The following RASSF5 variants were observed in gnomAD, a reference collection of about 807,000 sequenced individuals.
The protein encoded by RASSF5 is ras association domain-containing protein 5.
A neutral mutation model predicts 40.5 loss-of-function variants in RASSF5; 25 were observed. That is an observed-to-expected ratio of 0.62 (90% CI 0.45 to 0.86). The LOEUF is 0.86. Among genes scored for constraint, RASSF5 ranks in the 40% least tolerant of loss-of-function variants. The pLI, the probability that RASSF5 is intolerant of heterozygous loss-of-function variation, is 0.00. For synonymous variants in RASSF5, 246 were observed against 252.4 expected, an observed-to-expected ratio of 0.97 and a Z score of 0.24; for missense variants, 521 against 572.8, an observed-to-expected ratio of 0.91 and a Z score of 0.92.
chr1:206,558,590 A>G (rs1333820659), intron 2 of RASSF5, among the ~76,000 whole-genome samples: 11 of 151,860 alleles, frequency 7.2e-5, no homozygotes, highest in African/African-American at 2.4e-4. Context: ...CACCAATTCA[A>G]ATTAACCAAA....
chr1:206,563,914 C>A (rs59195419), intron 2 of RASSF5, among the ~76,000 whole-genome samples: 11,566 of 152,248 alleles, frequency 0.076, 624 homozygotes, highest in African/African-American at 0.16. Flanking sequence ...GTCTCATCAC[C>A]ACAAGCTGAA....
chr1:206,520,467 C>T (rs1257989704), intron 1 of RASSF5, among the ~76,000 whole-genome samples: 1 of 152,010 alleles, frequency 6.6e-6, no homozygotes, highest in Non-Finnish European at 1.5e-5. Context: ...ATTAGCTGGG[C>T]AAGGAGATGG....
chr1:206,526,269 A>T (rs902907744), intron 1 of RASSF5, among the ~76,000 whole-genome samples: 14 of 143,034 alleles, frequency 9.8e-5, no homozygotes, highest in Non-Finnish European at 1.8e-4. Flanking sequence ...GCTTTCTGGC[A>T]GTGTGTGTGT....
At position 206,582,870 on chromosome 1, in the gene RASSF5, G is replaced by A. The variant is rs78509862; in HGVS notation, c.580-399G>A. Among the ~76,000 whole-genome samples the A allele has an allele frequency of 3.9e-3, 592 of 152,260 alleles. 41 individuals carry two copies. In the East Asian group the frequency reaches 0.11, roughly 27 times the overall value. On this transcript the variant is annotated intron_variant, in intron 2 of 5. Coordinates refer to ENST00000579436, the MANE Select transcript of RASSF5 (RefSeq NM_182663.4). The stretch of plus-strand genomic sequence containing the variant: ...GACAGACCATGGCTTGTATTTCTTT[G>A]CATCTCCCATAGCATCAAAGAAGCA...
chr1:206,580,404 C>T (rs1451221106), intron 2 of RASSF5, among the ~76,000 whole-genome samples: 1 of 152,210 alleles, frequency 6.6e-6, no homozygotes, highest in Non-Finnish European at 1.5e-5. Context: ...TCCTGAGGAG[C>T]AATAGCCTAC....
At chr1:206,530,287 T>C (rs1667203592) in intron 1 of RASSF5, among the ~76,000 whole-genome samples, 1 of 152,202 alleles carries the variant, frequency 6.6e-6, no homozygotes, top group African/African-American at 2.4e-5. Context: ...ACACAATCTT[T>C]TTCCTTTTTT....
chr1:206,575,458 G>A (rs1553405025), intron 2 of RASSF5, among the ~76,000 whole-genome samples: 2 of 152,184 alleles, frequency 1.3e-5, no homozygotes, highest in African/African-American at 4.8e-5. Flanking sequence ...AGACCGGCTT[G>A]GGCTTGGCTA....
Position 206,552,761 on chromosome 1 carries a change from G to A in RASSF5, c.579+14468G>A, listed in dbSNP as rs979803442. Among the ~76,000 whole-genome samples the A allele has an allele frequency of 5.3e-5, 8 of 152,130 alleles. No homozygotes were observed. The highest frequency in any genetic ancestry group is 3.9e-4 in the Admixed American group (6 of 15,276). On this transcript the variant is annotated intron_variant, in intron 2 of 5. Coordinates refer to ENST00000579436, the MANE Select transcript of RASSF5 (RefSeq NM_182663.4). The surrounding 1 kb of genome is among the most constrained non-coding windows in gnomAD (Gnocchi z 4.1). ...TTGCAGGGTTCTGAGGATTAAGTGA[G>A]ATAATGAAATGTGTAACTTTCATTC...
intron 1 of RASSF5, among the ~76,000 whole-genome samples, chr1:206,515,153 T>G (rs1248873334): frequency 6.6e-6 from 1 of 152,182 alleles, no homozygotes; most frequent in African/African-American, 2.4e-5. Context: ...CTGCTGCCCT[T>G]CTGCTGGTGA....
chr1:206,547,308 G>A (rs950653675), intron 2 of RASSF5, among the ~76,000 whole-genome samples: 9 of 152,018 alleles, frequency 5.9e-5, no homozygotes, highest in Non-Finnish European at 8.8e-5. Context: ...AGCAGTTGGA[G>A]AGCAAGCCAC....
In RASSF5 at chr1:206,548,922, A is replaced by G. The variant is rs952328554; in HGVS notation, c.579+10629A>G. Among the ~76,000 whole-genome samples, 4 of 152,082 alleles carry G rather than the reference A, an allele frequency of 2.6e-5. No individual in the cohort carries two copies. The South Asian group carries it at 8.3e-4, about 32-fold the overall frequency. ...GCTCTGTTGCCCGGGCTGGAGTGCAATGGCGCGTTCTCGGCTCACTGCAAC... is the reference window on the plus strand; with the variant it reads ...GCTCTGTTGCCCGGGCTGGAGTGCAGTGGCGCGTTCTCGGCTCACTGCAAC... On this transcript the variant is annotated intron_variant, in intron 2 of 5. Coordinates refer to ENST00000579436, the MANE Select transcript of RASSF5 (RefSeq NM_182663.4).
chr1:206,544,940 C>T (rs1667641295), intron 2 of RASSF5: 1 of 151,916 alleles, frequency 6.6e-6, no homozygotes, highest in Non-Finnish European at 1.5e-5. Flanking sequence ...GTCCCTCAGC[C>T]CAACAGCCAC....
rs1468989472 is a variant in RASSF5, at chr1:206,552,226, C to T, written c.579+13933C>T. Among the ~76,000 whole-genome samples the T allele has an allele frequency of 1.3e-5, 2 of 152,186 alleles. No individual in the cohort carries two copies. Among genetic ancestry groups the T allele is most frequent in the Non-Finnish European group, 2.9e-5 (2 of 68,024 alleles). ...AACAGGAAGTCATCTGGGGAGACAC[C>T]GAGCTCTCTGCTGTACACAGCCATT... On this transcript the variant is annotated intron_variant, in intron 2 of 5. Transcript: ENST00000579436. The surrounding 1 kb of genome is among the most constrained non-coding windows in gnomAD (Gnocchi z 4.1).
Position 206,535,470 on chromosome 1 carries a change from C to T in RASSF5, c.458-2702C>T, listed in dbSNP as rs1553398496. 6.6e-6 allele frequency among the ~76,000 whole-genome samples: 1 copy of T among 152,160 alleles called. No individual in the cohort carries two copies. The highest frequency in any genetic ancestry group is 1.5e-5 in the Non-Finnish European group (1 of 68,024). On this transcript the variant is annotated intron_variant, in intron 1 of 5. Transcript: ENST00000579436. This position sits in a 1 kb window ranked among gnomAD's most constrained non-coding sequence, Gnocchi z 5.0. ...TTGGAGAAAGGCATGGGGGCTCTGA[C>T]TTCATCTCTGCTGGCCTAAAAGCCC...
At position 206,579,729 on chromosome 1, in the gene RASSF5, C is replaced by G. The variant is rs1026950369; in HGVS notation, c.580-3540C>G. 6.6e-6 allele frequency among the ~76,000 whole-genome samples: 1 copy of G among 152,200 alleles called. No individual in the cohort carries two copies. The highest frequency in any genetic ancestry group is 1.5e-5 in the Non-Finnish European group (1 of 68,040). ...AATCAGAATCTCCAGGGATGAAGCC[C>G]AGGCAGCTAAGTTTCTAAAGATCCC... is the stretch of plus-strand genomic sequence containing the variant. On this transcript the variant is annotated intron_variant, in intron 2 of 5. Transcript: ENST00000579436. This position sits in a 1 kb window ranked among gnomAD's most constrained non-coding sequence, Gnocchi z 4.2.
chr1:206,529,734 A>T, intron 1 of RASSF5: 2 of 561,798 alleles, frequency 3.6e-6, no homozygotes, highest in Non-Finnish European at 6.4e-6. Flanking sequence ...TTCTGTACAT[A>T]AAAATAATTA....
At chr1:206,553,659 A>G (rs1667906176) in intron 2 of RASSF5, among the ~76,000 whole-genome samples, 1 of 152,192 alleles carries the variant, frequency 6.6e-6, no homozygotes, top group Non-Finnish European at 1.5e-5. Flanking sequence ...GGTGTGGTTG[A>G]TACCAGTGGC....
intron 1 of RASSF5, among the ~76,000 whole-genome samples, chr1:206,525,967 CCCAGCTTCACCCCACCTGT>C (rs1558499675): frequency 6.6e-6 from 1 of 152,148 alleles, no homozygotes; most frequent in Non-Finnish European, 1.5e-5. Context: ...AGCAGAGGCT[CCCAGCTTCACCCCACCTGT>C]CCAGCACTTT....
intron 2 of RASSF5, among the ~76,000 whole-genome samples, chr1:206,575,495 A>G (rs558104045): frequency 6.6e-6 from 1 of 152,294 alleles, no homozygotes; most frequent in Admixed American, 6.5e-5. Context: ...ACAATAGAGA[A>G]AAGTGGTGAG....
Sources: gnomAD v4.1 joint callset for allele counts (sites outside exome capture counted in the v4.1 genomes callset) on GRCh38, gnomAD v4.1.1 for gene constraint, Gnocchi (gnomAD v3.1) non-coding constraint, MANE v1.5 for transcripts, NCBI Gene and HGNC (gene_info 2026-07-23, HGNC 2026-07-21) for gene names.